TAP2: variants seen among roughly 807,000 people sequenced by gnomAD.
TAP2 encodes the protein transporter 2, ATP binding cassette subfamily B member.
In TAP2, 49 loss-of-function variants were observed where a neutral mutation model predicts 74.7. That is an observed-to-expected ratio of 0.66 (90% CI 0.52 to 0.83). The LOEUF is 0.83. Among genes scored for constraint, TAP2 ranks in the 40% least tolerant of loss-of-function variants. The probability of loss-of-function intolerance (pLI) is 0.00; values close to 1 mark genes in which losing one functional copy is unlikely to be tolerated. For synonymous variants in TAP2, 306 were observed against 368.4 expected (o/e 0.83, Z 1.94); for missense variants, 739 against 859.0 (o/e 0.86, Z 1.75).
At position 32,835,227 on chromosome 6, in the gene TAP2, C is replaced by A. The variant is rs769546391; in HGVS notation, c.872G>T (p.Arg291Leu). 1.2e-6 allele frequency: 2 copies of A among 1,612,880 alleles called. No homozygotes were observed. The highest frequency in any genetic ancestry group is 2.7e-5 in the African/African-American group (2 of 74,870). The change falls in exon 5 of 12, where the codon CGA (arginine) becomes CTA (leucine). Residue 291 changes from arginine to leucine, a missense_variant. Coordinates refer to ENST00000374897, the MANE Select transcript of TAP2 (RefSeq NM_001290043.2). The surrounding 1 kb of genome is among the most constrained non-coding windows in gnomAD (Gnocchi z 4.0). ...GTGCAGCAGAGAAAGGAGGGTGAGT[C>A]GAGGCGATATGCTGAGCATGAAGCC... ...LYGFMLSISP[R>L]LTLLSLLHMP...
rs1474815346 is a variant in TAP2, at chr6:32,835,909, A to G, written c.609-136T>C. ...ATGCCAGGAGGGGCAAAAGAGAAAGAAATGAGAGACAGACACACAGAGAGA... is the reference window on the plus strand; with the variant it reads ...ATGCCAGGAGGGGCAAAAGAGAAAGGAATGAGAGACAGACACACAGAGAGA... On this transcript the variant is annotated intron_variant, in intron 3 of 11. Coordinates refer to ENST00000374897, the MANE Select transcript of TAP2 (RefSeq NM_001290043.2). The surrounding 1 kb of genome is among the most constrained non-coding windows in gnomAD (Gnocchi z 4.0). The G allele has an allele frequency of 7.5e-6, 8 of 1,066,940 alleles. No individual in the cohort carries two copies. The African/African-American group carries it at 9.4e-5, about 13-fold the overall frequency. The allele number at this position is 1,066,940 out of a possible 1,614,324, so 66.1% of individuals were successfully genotyped here.
In TAP2 at chr6:32,832,229, G is replaced by C; in HGVS notation, c.1272+104C>G. ...ATAGCAAAATTACTTGCGGGTTTTGGTTTTGTATTGTATTGTTAAAAAGAA... is the reference window on the plus strand; with the variant it reads ...ATAGCAAAATTACTTGCGGGTTTTGCTTTTGTATTGTATTGTTAAAAAGAA... On this transcript the variant is annotated intron_variant, in intron 7 of 11. Transcript: ENST00000374897. This position sits in a 1 kb window ranked among gnomAD's most constrained non-coding sequence, Gnocchi z 5.9. The C allele has an allele frequency of 1.3e-6, 2 of 1,533,686 alleles. No homozygotes were observed. Among genetic ancestry groups the C allele is most frequent in the Non-Finnish European group, 1.8e-6 (2 of 1,127,430 alleles).
intron 11 of TAP2, 109 bp from the exon 12 acceptor site, chr6:32,829,143 AG>A: frequency 2.0e-6 from 3 of 1,505,776 alleles, no homozygotes; most frequent in Non-Finnish European, 2.7e-6. Flanking sequence ...AAATAAAAGA[AG>A]GTAGGAAAGG....
At chr6:32,829,663 G>A in intron 10 of TAP2, 127 bp from the exon 11 acceptor site, 3 of 1,461,502 alleles carry the variant, frequency 2.1e-6, no homozygotes, top group African/African-American at 1.4e-5. Flanking sequence ...TGCGGGGAGG[G>A]CCCAGTGGGA....
intron 7 of TAP2, among the ~76,000 whole-genome samples, chr6:32,831,676 AAAC>A (rs1769086354): frequency 6.6e-6 from 1 of 152,216 alleles, no homozygotes; most frequent in Non-Finnish European, 1.5e-5. Flanking sequence ...TCCACAGGAC[AAAC>A]AACCTATTTC....
Position 32,835,185 on chromosome 6 carries a change from G to A in TAP2, c.914C>T (p.Ala305Val), listed in dbSNP as rs1554235320. 1.9e-6 allele frequency: 3 copies of A among 1,612,868 alleles called. No individual in the cohort carries two copies. The highest frequency in any genetic ancestry group is 2.5e-6 in the Non-Finnish European group (3 of 1,180,030). Residue 305 changes from alanine (A) to valine (V), a missense_variant, in exon 5 of 12, where the codon GCA becomes GTA. By Grantham distance (64) the Ala-to-Val change is moderately conservative (BLOSUM62 0). Coordinates refer to ENST00000374897, the MANE Select transcript of TAP2 (RefSeq NM_001290043.2). This position sits in a 1 kb window ranked among gnomAD's most constrained non-coding sequence, Gnocchi z 4.0. ...GCGGGTGTTGTACACCTTCTCCGCTGCTATTGTGAAGGGCATGTGCAGCAG... is the reference window on the plus strand; with the variant it reads ...GCGGGTGTTGTACACCTTCTCCGCTACTATTGTGAAGGGCATGTGCAGCAG... The part of the protein sequence containing the change: ...LSLLHMPFTI[A>V]AEKVYNTRHQ...
In TAP2 at chr6:32,832,710, G is replaced by T; in HGVS notation, c.1060C>A (p.Arg354Ser). 1.2e-6 allele frequency: 2 copies of T among 1,612,988 alleles called. No individual in the cohort carries two copies. The highest frequency in any genetic ancestry group is 1.7e-6 in the Non-Finnish European group (2 of 1,180,028). ...CATTGTTCAAGGGCCTCTTTATAGC[G>T]ACAGACTTCATGCTCCTCGGCCCCA... is the stretch of plus-strand genomic sequence containing the variant. The part of the protein sequence containing the change: ...SFGAEEHEVC[R>S]YKEALEQCRQ... The change falls in exon 6 of 12, where the codon CGC (arginine) becomes AGC (serine). Residue 354 changes from arginine to serine, a missense_variant. Coordinates refer to ENST00000374897, the MANE Select transcript of TAP2 (RefSeq NM_001290043.2). The surrounding 1 kb of genome is among the most constrained non-coding windows in gnomAD (Gnocchi z 5.9).
intron 3 of TAP2, 50 bp downstream of exon 3, chr6:32,837,487 C>T (rs767814582): frequency 4.7e-6 from 7 of 1,491,606 alleles, no homozygotes; most frequent in Non-Finnish European, 6.5e-6. Flanking sequence ...AAGTGAAGAC[C>T]CCTATAAAGA....
chr6:32,835,147 C>A lies in TAP2; in HGVS notation c.945+7G>T, dbSNP rs779147813. ...TCCCTTTGGGGTTCCCTTACATGCA[C>A]GCTCACCTGATGGCGGGTGTTGTAC... On this transcript the variant is annotated splice_region_variant and intron_variant, in intron 5 of 11. Transcript: ENST00000374897. The surrounding 1 kb of genome is among the most constrained non-coding windows in gnomAD (Gnocchi z 4.0). The A allele has an allele frequency of 6.2e-7, 1 of 1,612,192 alleles. No individual in the cohort carries two copies. The highest frequency in any genetic ancestry group is 1.3e-5 in the African/African-American group (1 of 75,004).
Position 32,828,630 on chromosome 6 carries a change from G to A in TAP2, c.*276C>T. On this transcript the variant is annotated 3_prime_UTR_variant, in exon 12 of 12. Coordinates refer to ENST00000374897, the MANE Select transcript of TAP2 (RefSeq NM_001290043.2). ...GCCACAAAATACTCCTCATCACCAG[G>A]CAAAGCTCTAGTCACCAGGGAATTA... The A allele has an allele frequency of 8.5e-7, 1 of 1,172,748 alleles. No individual in the cohort carries two copies. The highest frequency in any genetic ancestry group is 1.1e-6 in the Non-Finnish European group (1 of 946,204). 72.6% of individuals were successfully genotyped at this position (1,172,748 alleles called of 1,614,324 possible).
intron 5 of TAP2, among the ~76,000 whole-genome samples, 166 bp downstream of exon 5, chr6:32,834,988 T>G (rs1562334547): frequency 6.6e-6 from 1 of 152,226 alleles, no homozygotes; most frequent in African/African-American, 2.4e-5. Context: ...TATCCATTGT[T>G]GGATGGCTGG....
At position 32,837,900 on chromosome 6, in the gene TAP2, T is replaced by C; in HGVS notation, c.334A>G (p.Ser112Gly). The change falls in exon 2 of 12, where the codon AGC becomes GGC. Residue 112 changes from serine (S) to glycine (G), a missense_variant. Ser to Gly is a moderately conservative substitution (Grantham distance 56). Transcript: ENST00000374897. ...LLVGYGAAGL[S>G]WSLWAVLSPP... is the part of the protein sequence containing the mutation. ...CTCAGAACAGCCCACAGTGACCAGC[T>C]GAGCCCCGCAGCCCCGTACCCCACC... The C allele has an allele frequency of 6.2e-7, 1 of 1,613,012 alleles. No individual in the cohort carries two copies. The highest frequency in any genetic ancestry group is 8.5e-7 in the Non-Finnish European group (1 of 1,180,002).
chr6:32,824,827 A>G (rs1269723919), downstream of TAP2, among the ~76,000 whole-genome samples: 1 of 151,988 alleles, frequency 6.6e-6, no homozygotes, highest in East Asian at 1.9e-4. Flanking sequence ...TGTCTGCCTC[A>G]TTCTCATGTC....
At position 32,825,425 on chromosome 6, in the gene TAP2, C is replaced by T. The variant is rs1330448897; in HGVS notation, c.*3481G>A. The T allele has an allele frequency of 2.0e-5, 3 of 152,102 alleles. No homozygotes were observed. Among genetic ancestry groups the T allele is most frequent in the Admixed American group, 2.0e-4 (3 of 15,276 alleles). The allele number at this position is 152,102 out of a possible 1,614,324, so 9.4% of individuals were successfully genotyped here. Reference sequence around the variant, plus strand: ...GGAACTTCCATAAAATAGAATACTACATAGCCATATATTTTTAATTTAAAA... The same window carrying T: ...GGAACTTCCATAAAATAGAATACTATATAGCCATATATTTTTAATTTAAAA... On this transcript the variant is annotated 3_prime_UTR_variant, in exon 12 of 12. Transcript: ENST00000374897.
chr6:32,828,475 T>G lies in TAP2; in HGVS notation c.*431A>C. The G allele has an allele frequency of 1.0e-6, 1 of 979,208 alleles. No homozygotes were observed. Among genetic ancestry groups the G allele is most frequent in the South Asian group, 4.7e-5 (1 of 21,126 alleles). The allele number at this position is 979,208 out of a possible 1,614,324, so 60.7% of individuals were successfully genotyped here. A position where few individuals can be genotyped will look rare whatever the true frequency, so the allele number is the denominator to read the frequency against. ...ACAGGCAGCAAAATAGCAACTATGG[T>G]TATCTCCAGGAAGTGAAACAATGGG... On this transcript the variant is annotated 3_prime_UTR_variant, in exon 12 of 12. Coordinates refer to ENST00000374897, the MANE Select transcript of TAP2 (RefSeq NM_001290043.2).
At chr6:32,833,742 A>T (rs1406228514) in intron 5 of TAP2, among the ~76,000 whole-genome samples, 2 of 152,204 alleles carry the variant, frequency 1.3e-5, no homozygotes, top group Non-Finnish European at 2.9e-5. Context: ...GTTTGATACG[A>T]TCTGGCTGTG....
At chr6:32,824,460 C>T (rs750306862), downstream of TAP2, among the ~76,000 whole-genome samples, 4 of 152,022 alleles carry the variant, frequency 2.6e-5, no homozygotes, top group Non-Finnish European at 5.9e-5. Flanking sequence ...CTGGATTTTG[C>T]GATATTGTTA....
rs1343493057 is a variant in TAP2 at position 32,826,214 on chromosome 6, AT to A, written c.*2691del. The A allele has an allele frequency of 2.0e-6, 2 of 985,324 alleles. No homozygotes were observed. The highest frequency in any genetic ancestry group is 2.4e-6 in the Non-Finnish European group (2 of 829,946). The allele number at this position is 985,324 out of a possible 1,614,324, so 61.0% of individuals were successfully genotyped here. ...ATTGCCATGTGGATTACAAGTGGCT[AT>A]CCCTGGGTGGAGGCATAAAGGACTT... is the stretch of plus-strand genomic sequence containing the variant. On this transcript the variant is annotated 3_prime_UTR_variant, in exon 12 of 12. Transcript: ENST00000374897.
chr6:32,827,707 G>A lies in TAP2; in HGVS notation c.*1199C>T, dbSNP rs934477139. 1 of 954,718 alleles carries A rather than the reference G, an allele frequency of 1.0e-6. No homozygotes were observed. Among genetic ancestry groups the A allele is most frequent in the Non-Finnish European group, 1.2e-6 (1 of 802,538 alleles). The allele number at this position is 954,718 out of a possible 1,614,324, so 59.1% of individuals were successfully genotyped here. A position where few individuals can be genotyped will look rare whatever the true frequency, so the allele number is the denominator to read the frequency against. On this transcript the variant is annotated 3_prime_UTR_variant, in exon 12 of 12. Transcript: ENST00000374897. Reference sequence around the variant, plus strand: ...TGTCGTGGAGCTGGATACAACAGGAGAGGGTGAGACAGATGGGCTGGAACA... The same window carrying A: ...TGTCGTGGAGCTGGATACAACAGGAAAGGGTGAGACAGATGGGCTGGAACA...
Sources: gnomAD v4.1 joint callset for allele counts (sites outside exome capture counted in the v4.1 genomes callset) on GRCh38, gnomAD v4.1.1 for gene constraint, Gnocchi (gnomAD v3.1) non-coding constraint, MANE v1.5 for transcripts, NCBI Gene and HGNC (gene_info 2026-07-23, HGNC 2026-07-21) for gene names.